Variants in OCA2 observed in about 807,000 individuals in gnomAD.
OCA2 encodes P protein.
A neutral mutation model predicts 100.2 loss-of-function variants in OCA2; 77 were observed. That is an observed-to-expected ratio of 0.77 (90% CI 0.64 to 0.93). The LOEUF (loss-of-function observed/expected upper bound fraction) is 0.93, where lower values mean the gene tolerates loss of function less well. OCA2 is among the 40% of genes least tolerant of loss of function. The pLI is 0.00. For synonymous variants in OCA2, 432 were observed against 439.2 expected, an observed-to-expected ratio of 0.98 and a Z score of 0.21; for missense variants, 1,062 against 1,089.1, an observed-to-expected ratio of 0.98 and a Z score of 0.35.
intron 19 of OCA2, among the ~76,000 whole-genome samples, chr15:27,920,480 A>C (rs983211695): frequency 2.0e-5 from 3 of 152,144 alleles, no homozygotes; most frequent in Admixed American, 2.0e-4. Context: ...TAAAATTTCT[A>C]ATTTTTTACA....
At chr15:27,955,806 G>A (rs977497921) in intron 16 of OCA2, among the ~76,000 whole-genome samples, 2 of 152,050 alleles carry the variant, frequency 1.3e-5, no homozygotes, top group African/African-American at 4.8e-5. Context: ...CTCCTGCCGG[G>A]GTGGTCTCCT....
At chr15:27,743,963 C>T in the OCA2 span, among the ~76,000 whole-genome samples, 21 of 152,198 alleles carry the variant, frequency 1.4e-4, no homozygotes, top group African/African-American at 4.6e-4. Flanking sequence ...ACAAATGCTT[C>T]CCTGTAACCC....
At position 27,981,668 on chromosome 15, in the gene OCA2, G is replaced by A. The variant is rs115021269; in HGVS notation, c.1503+1677C>T. 1.7e-3 allele frequency among the ~76,000 whole-genome samples: 263 copies of A among 152,326 alleles called. 1 individual carries two copies. The highest frequency in any genetic ancestry group is 6.0e-3 in the African/African-American group (250 of 41,574). ...CAGATATCATTACTATTCCTGTCGT[G>A]TGCGTCAAGCACTTGTCCCTCTCAT... On this transcript the variant is annotated intron_variant, in intron 14 of 23. Transcript: ENST00000354638.
chr15:27,779,281 G>T (rs1002963856), intron 23 of OCA2, among the ~76,000 whole-genome samples: 6 of 152,140 alleles, frequency 3.9e-5, no homozygotes, highest in African/African-American at 1.4e-4. Context: ...GGTCCATTTG[G>T]TCTACAGTGG....
chr15:27,837,122 C>A (rs1207131067), intron 23 of OCA2, among the ~76,000 whole-genome samples: 1 of 152,216 alleles, frequency 6.6e-6, no homozygotes, highest in Non-Finnish European at 1.5e-5. Flanking sequence ...GAATGTCCTG[C>A]AGACCATGTT....
At position 27,820,390 on chromosome 15, in the gene OCA2, A is replaced by G. The variant is rs540538191; in HGVS notation, c.2432+24569T>C. On this transcript the variant is annotated intron_variant, in intron 23 of 23. Coordinates refer to ENST00000354638, the MANE Select transcript of OCA2 (RefSeq NM_000275.3). The stretch of plus-strand genomic sequence containing the variant: ...CATGCTGACAGCACGCACTCTCCAC[A>G]GGGTATGATGAAAATGACACTTCAG... 3.9e-5 allele frequency among the ~76,000 whole-genome samples: 6 copies of G among 152,316 alleles called. No individual in the cohort carries two copies. In the East Asian group the frequency reaches 1.2e-3, roughly 30 times the overall value.
chr15:27,753,713 G>A (rs917071966), downstream of OCA2, among the ~76,000 whole-genome samples: 6 of 151,734 alleles, frequency 4.0e-5, no homozygotes, highest in African/African-American at 1.2e-4. Flanking sequence ...CTCCAGCCTG[G>A]GCAACTGAGC....
chr15:28,093,368 G>A (rs573830190), intron 1 of OCA2, among the ~76,000 whole-genome samples: 1 of 150,866 alleles, frequency 6.6e-6, no homozygotes, highest in East Asian at 1.9e-4. Flanking sequence ...GTTGCAGTGA[G>A]CCACTGCACT....
intron 19 of OCA2, among the ~76,000 whole-genome samples, chr15:27,922,680 GGTGTGTGTGTGTGTGTGTGTGT>G (rs60426286): frequency 3.4e-5 from 5 of 147,114 alleles, no homozygotes; most frequent in Admixed American, 2.1e-4. Flanking sequence ...TTTTGTTTGG[GGTGTGTGTGTGTGTGTGTGTGT>G]GTGTGTGTGT....
chr15:28,088,774 G>A (rs2044822852), intron 1 of OCA2, among the ~76,000 whole-genome samples: 1 of 152,130 alleles, frequency 6.6e-6, no homozygotes, highest in Non-Finnish European at 1.5e-5. Flanking sequence ...ATATCACAAG[G>A]GAAATGGAGG....
At chr15:27,930,109 C>T (rs2039193573) in intron 18 of OCA2, among the ~76,000 whole-genome samples, 1 of 152,092 alleles carries the variant, frequency 6.6e-6, no homozygotes, top group African/African-American at 2.4e-5. Context: ...ATACACCTAC[C>T]AATATGAACC....
intron 23 of OCA2, among the ~76,000 whole-genome samples, chr15:27,760,135 A>G (rs1325417765): frequency 6.6e-6 from 1 of 152,112 alleles, no homozygotes; most frequent in Admixed American, 6.5e-5. Context: ...ATTAAATATT[A>G]TACTTCTAAA....
Position 27,957,454 on chromosome 15 carries a change from A to G in OCA2, c.1784+134T>C. Reference sequence around the variant, plus strand: ...GCTCAGTGAGGGTTAGATAAAATGTACTATAAGAGGCTTAGCACAGTGTGC... The same window carrying G: ...GCTCAGTGAGGGTTAGATAAAATGTGCTATAAGAGGCTTAGCACAGTGTGC... On this transcript the variant is annotated intron_variant, in intron 16 of 23. Transcript: ENST00000354638. This position sits in a 1 kb window ranked among gnomAD's most constrained non-coding sequence, Gnocchi z 4.3. The G allele has an allele frequency of 9.5e-7, 1 of 1,055,726 alleles. No individual in the cohort carries two copies. The highest frequency in any genetic ancestry group is 1.5e-5 in the African/African-American group (1 of 64,632). 65.4% of individuals were successfully genotyped at this position (1,055,726 alleles called of 1,614,324 possible).
intron 9 of OCA2, among the ~76,000 whole-genome samples, chr15:28,000,169 G>A (rs1488350346): frequency 6.6e-6 from 1 of 152,100 alleles, no homozygotes; most frequent in Admixed American, 6.6e-5. Context: ...CATTGAGTAA[G>A]AAGGAAAAAG....
Position 27,966,759 on chromosome 15 carries a change from A to G in OCA2, c.1567T>C (p.Cys523Arg), listed in dbSNP as rs2040581886. The G allele has an allele frequency of 6.2e-7, 1 of 1,613,726 alleles. No homozygotes were observed. The highest frequency in any genetic ancestry group is 2.2e-5 in the East Asian group (1 of 44,888). The stretch of plus-strand genomic sequence containing the variant: ...TAAAGGAGTCTGAGGAGCGGAAAGC[A>G]GACCAGGAGAACAAGGCAAATCCCA... ...FIGICLVLLV[C>R]FPLLRLLYWN... Residue 523 changes from cysteine (C) to arginine (R), a missense_variant, in exon 15 of 24, where the codon TGC becomes CGC. Coordinates refer to ENST00000354638, the MANE Select transcript of OCA2 (RefSeq NM_000275.3).
chr15:27,927,727 T>G (rs1200418558), intron 18 of OCA2, among the ~76,000 whole-genome samples: 1 of 151,664 alleles, frequency 6.6e-6, no homozygotes, highest in Non-Finnish European at 1.5e-5. Flanking sequence ...GGTTGTGTAG[T>G]GGGATCTTAC....
In OCA2 at chr15:27,831,467, C is replaced by T. The variant is rs2034954505; in HGVS notation, c.2432+13492G>A. Among the ~76,000 whole-genome samples, 4 of 152,136 alleles carry T rather than the reference C, an allele frequency of 2.6e-5. No individual in the cohort carries two copies. In the South Asian group the frequency reaches 8.3e-4, roughly 32 times the overall value. On this transcript the variant is annotated intron_variant, in intron 23 of 23. Coordinates refer to ENST00000354638, the MANE Select transcript of OCA2 (RefSeq NM_000275.3). ...TACCCCACCCTCTGCGGACCTGCCGCGCACGTAACCCGATTGTTTTCAGCC... is the reference window on the plus strand; with the variant it reads ...TACCCCACCCTCTGCGGACCTGCCGTGCACGTAACCCGATTGTTTTCAGCC...
At chr15:27,875,325 C>T (rs2036743711) in intron 19 of OCA2, among the ~76,000 whole-genome samples, 1 of 152,136 alleles carries the variant, frequency 6.6e-6, no homozygotes, top group African/African-American at 2.4e-5. Flanking sequence ...CATAACACAT[C>T]GACAGAGTCT....
rs41307116 is a variant in OCA2, at chr15:27,871,274, T to C, written c.2140-16A>G. On this transcript the variant is annotated splice_polypyrimidine_tract_variant and intron_variant, in intron 20 of 23. Coordinates refer to ENST00000354638, the MANE Select transcript of OCA2 (RefSeq NM_000275.3). ...CTGGGACCATCTGGAAGGAGGACAA[T>C]AGCAGCTGCAGTGTTCCATCGCATG... 18 of 1,594,588 alleles carry C rather than the reference T, an allele frequency of 1.1e-5. No homozygotes were observed. In the East Asian group the frequency reaches 2.7e-4, roughly 24 times the overall value.
Sources: gnomAD v4.1 joint callset for allele counts (sites outside exome capture counted in the v4.1 genomes callset) on GRCh38, gnomAD v4.1.1 for gene constraint, Gnocchi (gnomAD v3.1) non-coding constraint, MANE v1.5 for transcripts, NCBI Gene and HGNC (gene_info 2026-07-23, HGNC 2026-07-21) for gene names.